PPM1H: variants seen among roughly 807,000 people sequenced by gnomAD.
PPM1H encodes protein phosphatase 1H.
Under a neutral mutation model 54.9 loss-of-function variants are expected in PPM1H, and 27 were observed. That is an observed-to-expected ratio of 0.49 (90% CI 0.36 to 0.68). The LOEUF (loss-of-function observed/expected upper bound fraction) is 0.68. Ranked by LOEUF, PPM1H falls within the 30% of genes least tolerant of loss-of-function variation. The pLI, the probability that PPM1H is intolerant of heterozygous loss-of-function variation, is 0.00. For synonymous variants in PPM1H, 305 were observed against 270.8 expected (o/e 1.13, Z -1.24); for missense variants, 596 against 667.8 (o/e 0.89, Z 1.19).
At chr12:62,738,015 C>T (rs951442100) in intron 4 of PPM1H, among the ~76,000 whole-genome samples, 1 of 152,116 alleles carries the variant, frequency 6.6e-6, no homozygotes, top group African/African-American at 2.4e-5. Context: ...TAACCACATG[C>T]GGGTACTAGG....
chr12:62,775,600 T>A (rs978309874), intron 4 of PPM1H, among the ~76,000 whole-genome samples: 3 of 150,734 alleles, frequency 2.0e-5, no homozygotes, highest in Non-Finnish European at 2.9e-5. Context: ...AAATGAATAT[T>A]ATATATAAAT....
rs7311548 is a variant in PPM1H at position 62,775,924 on chromosome 12, G to A, written c.869+12302C>T. ...TTTATAAAGAAAAAGAGGTTTAATC[G>A]ACTCACAGTTCCACATGGCTGGGGA... On this transcript the variant is annotated intron_variant, in intron 4 of 9. Transcript: ENST00000228705. Among the ~76,000 whole-genome samples, 558 of 152,250 alleles carry A rather than the reference G, an allele frequency of 3.7e-3. 2 individuals carry two copies. Among genetic ancestry groups the A allele is most frequent in the African/African-American group, 0.013 (521 of 41,544 alleles).
intron 1 of PPM1H, among the ~76,000 whole-genome samples, chr12:62,897,922 G>A (rs1871045609): frequency 1.2e-4 from 19 of 152,112 alleles, no homozygotes; most frequent in Admixed American, 1.2e-3. Flanking sequence ...CATCACAAGT[G>A]GGGAATAGTG....
At chr12:62,650,497 C>T (rs1305879606) in intron 9 of PPM1H, among the ~76,000 whole-genome samples, 1 of 152,138 alleles carries the variant, frequency 6.6e-6, no homozygotes, top group East Asian at 1.9e-4. Context: ...AAGTAAATAT[C>T]TGAAAATCGA....
chr12:62,922,818 C>A (rs1414656349), intron 1 of PPM1H, among the ~76,000 whole-genome samples: 1 of 152,204 alleles, frequency 6.6e-6, no homozygotes, highest in Non-Finnish European at 1.5e-5. Context: ...CTTGATTCAT[C>A]ATGAGCACTT....
intron 4 of PPM1H, among the ~76,000 whole-genome samples, chr12:62,759,937 T>A (rs563985510): frequency 2.6e-5 from 4 of 151,940 alleles, no homozygotes; most frequent in Middle Eastern, 3.4e-3. Context: ...GCACCCCCCA[T>A]CCCTTCTCTC....
chr12:62,871,361 T>C (rs200786223), intron 1 of PPM1H, among the ~76,000 whole-genome samples: 2 of 152,036 alleles, frequency 1.3e-5, no homozygotes, highest in East Asian at 3.9e-4. Flanking sequence ...AGCAAGTAGA[T>C]TAGTGGTTAG....
chr12:62,741,473 G>A (rs1443557364), intron 4 of PPM1H, among the ~76,000 whole-genome samples: 2 of 152,200 alleles, frequency 1.3e-5, no homozygotes, highest in African/African-American at 4.8e-5. Flanking sequence ...AGCTTTTCCA[G>A]TTTCCTTTAT....
chr12:62,805,662 CAG>C (rs1038418775), intron 2 of PPM1H, among the ~76,000 whole-genome samples: 3 of 152,088 alleles, frequency 2.0e-5, no homozygotes, highest in African/African-American at 7.2e-5. Context: ...CTCGTAGAAG[CAG>C]AGAGTCGAAT....
Position 62,855,224 on chromosome 12 carries a change from C to T in PPM1H, c.246-22945G>A, listed in dbSNP as rs112030220. 3.5e-3 allele frequency among the ~76,000 whole-genome samples: 536 copies of T among 152,230 alleles called. 3 individuals are homozygous for T. The highest frequency in any genetic ancestry group is 0.012 in the African/African-American group (500 of 41,532). On this transcript the variant is annotated intron_variant, in intron 1 of 9. Transcript: ENST00000228705. ...CCCACCCTCTCGCTTCCTGGCAAAC[C>T]ATGATGTTGGTAACCCTCCTTAAAG...
At chr12:62,742,961 G>A (rs1033122740) in intron 4 of PPM1H, among the ~76,000 whole-genome samples, 6 of 152,154 alleles carry the variant, frequency 3.9e-5, no homozygotes, top group African/African-American at 1.4e-4. Context: ...TCGATGGGGC[G>A]TTATTTGCGA....
chr12:62,768,859 G>A (rs1234606225), intron 4 of PPM1H, among the ~76,000 whole-genome samples: 4 of 152,210 alleles, frequency 2.6e-5, no homozygotes, highest in East Asian at 3.9e-4. Context: ...ATCTAAGTAC[G>A]GAGAGGCACA....
At chr12:62,880,784 C>T (rs1430150060) in intron 1 of PPM1H, among the ~76,000 whole-genome samples, 1 of 152,206 alleles carries the variant, frequency 6.6e-6, no homozygotes, top group Non-Finnish European at 1.5e-5. Context: ...TCCTCAACCC[C>T]TTATGTGTGA....
chr12:62,764,631 G>A (rs1003963846), intron 4 of PPM1H, among the ~76,000 whole-genome samples: 1 of 151,248 alleles, frequency 6.6e-6, no homozygotes, highest in Non-Finnish European at 1.5e-5. Context: ...TTTACTCCTC[G>A]AGCACCTCCT....
chr12:62,715,631 A>T (rs931954182), intron 6 of PPM1H, among the ~76,000 whole-genome samples: 1 of 152,146 alleles, frequency 6.6e-6, no homozygotes, highest in African/African-American at 2.4e-5. Context: ...TAATTATGAG[A>T]CAAGCCTTCC....
At chr12:62,783,277 G>A (rs539866391) in intron 4 of PPM1H, among the ~76,000 whole-genome samples, 14 of 152,260 alleles carry the variant, frequency 9.2e-5, no homozygotes, top group Admixed American at 2.0e-4. Flanking sequence ...ACTGCAGTGC[G>A]TTTAAAATAG....
At chr12:62,929,050 G>T (rs972207196) in intron 1 of PPM1H, among the ~76,000 whole-genome samples, 1 of 152,110 alleles carries the variant, frequency 6.6e-6, no homozygotes, top group Non-Finnish European at 1.5e-5. Context: ...TGACTTAAAG[G>T]CTCCAAATAC....
intron 2 of PPM1H, among the ~76,000 whole-genome samples, chr12:62,826,476 C>T (rs1345219071): frequency 2.6e-5 from 4 of 152,134 alleles, no homozygotes; most frequent in South Asian, 4.2e-4. Flanking sequence ...CGTTGCTACC[C>T]GGCTACCATA....
chr12:62,692,321 A>G (rs2076087724), intron 7 of PPM1H, among the ~76,000 whole-genome samples: 1 of 152,194 alleles, frequency 6.6e-6, no homozygotes, highest in Non-Finnish European at 1.5e-5. Context: ...AGCTTAAATT[A>G]CCTGAAATGC....
Sources: gnomAD v4.1 joint callset for allele counts (sites outside exome capture counted in the v4.1 genomes callset) on GRCh38, gnomAD v4.1.1 for gene constraint, MANE v1.5 for transcripts, NCBI Gene and HGNC (gene_info 2026-07-23, HGNC 2026-07-21) for gene names.